The following SLC35F3 variants were observed in gnomAD, a reference collection of about 807,000 sequenced individuals.
The protein encoded by SLC35F3 is solute carrier family 35 member F3.
SLC35F3 carries 25 observed loss-of-function variants against 49.9 expected under a neutral mutation model. The observed-to-expected ratio is 0.50, with a 90% CI of 0.37 to 0.70. The LOEUF is 0.70. Among genes scored for constraint, SLC35F3 ranks in the 30% least tolerant of loss-of-function variants. The pLI, the probability that SLC35F3 is intolerant of heterozygous loss-of-function variation, is 0.00. For missense variants in SLC35F3, 525 were observed against 639.8 expected, an observed-to-expected ratio of 0.82 and a Z score of 1.94; for synonymous variants, 275 against 265.4, an observed-to-expected ratio of 1.04 and a Z score of -0.35.
chr1:233,989,308 T>G (rs762622303), intron 2 of SLC35F3, among the ~76,000 whole-genome samples: 5 of 152,242 alleles, frequency 3.3e-5, no homozygotes, highest in Non-Finnish European at 5.9e-5. Flanking sequence ...GACAGAGAAT[T>G]TCTATGAAAA....
chr1:234,215,667 C>T (rs1258447813), intron 2 of SLC35F3, among the ~76,000 whole-genome samples: 2 of 152,244 alleles, frequency 1.3e-5, no homozygotes, highest in Non-Finnish European at 2.9e-5. Context: ...CTGCTTCCCA[C>T]TCGTGACTTC....
At chr1:234,275,111 A>G (rs1019177584) in intron 3 of SLC35F3, among the ~76,000 whole-genome samples, 1 of 152,204 alleles carries the variant, frequency 6.6e-6, no homozygotes, top group African/African-American at 2.4e-5. Context: ...GAGCACCGAC[A>G]AGACCCAAGT....
intron 2 of SLC35F3, among the ~76,000 whole-genome samples, chr1:233,986,038 C>G (rs1289381344): frequency 5.3e-5 from 8 of 152,106 alleles, no homozygotes. Context: ...GGTCTTTGGA[C>G]CTTAGTACCC....
rs542121510 is a variant in SLC35F3, at chr1:234,002,612, T to G, written c.283+96854T>G. Among the ~76,000 whole-genome samples the G allele has an allele frequency of 9.2e-5, 14 of 152,308 alleles. No homozygotes were observed. In the East Asian group the frequency reaches 2.3e-3, roughly 25 times the overall value. On this transcript the variant is annotated intron_variant, in intron 2 of 7. Transcript: ENST00000366618. ...ACCCACTTGACTTATACAGTTGACG[T>G]TGGCCTTGATCACCTGGCTGAGGTT...
At position 234,003,890 on chromosome 1, in the gene SLC35F3, G is replaced by A. The variant is rs376841408; in HGVS notation, c.283+98132G>A. ...CCTAATTAGGAGAATGCACATTAAA[G>A]CACTAATGAAGTATAATTTTTCATT... On this transcript the variant is annotated intron_variant, in intron 2 of 7. Coordinates refer to ENST00000366618, the MANE Select transcript of SLC35F3 (RefSeq NM_173508.4). Among the ~76,000 whole-genome samples the A allele has an allele frequency of 3.6e-4, 55 of 152,266 alleles. 2 individuals carry two copies. The East Asian group carries it at 6.4e-3, about 18-fold the overall frequency.
rs1046221611 is a variant in SLC35F3, at chr1:234,231,851, C to T, written c.608+110C>T. 19 of 1,062,798 alleles carry T rather than the reference C, an allele frequency of 1.8e-5. No individual in the cohort carries two copies. In the African/African-American group the frequency reaches 3.0e-4, roughly 17 times the overall value. The allele number at this position is 1,062,798 out of a possible 1,614,324, so 65.8% of individuals were successfully genotyped here. A position where few individuals can be genotyped will look rare whatever the true frequency, so the allele number is the denominator to read the frequency against. ...GCGCTGGGATGAGCCGGTGGGAGCC[C>T]GTGGAGAGATGTTGCAGTGAATGCA... On this transcript the variant is annotated intron_variant, in intron 3 of 7. Transcript: ENST00000366618. The surrounding 1 kb of genome is among the most constrained non-coding windows in gnomAD (Gnocchi z 5.4).
chr1:234,195,584 T>C (rs1666796002), intron 2 of SLC35F3, among the ~76,000 whole-genome samples: 1 of 152,148 alleles, frequency 6.6e-6, no homozygotes, highest in South Asian at 2.1e-4. Flanking sequence ...AAGATTAGCT[T>C]ATCTTCCTTT....
intron 7 of SLC35F3, among the ~76,000 whole-genome samples, chr1:234,322,058 G>A (rs1657634594): frequency 6.6e-6 from 1 of 151,814 alleles, no homozygotes; most frequent in Non-Finnish European, 1.5e-5. Context: ...AATTAGCCAG[G>A]CGTGGTGGCA....
chr1:233,952,768 A>C (rs577552138), intron 2 of SLC35F3, among the ~76,000 whole-genome samples: 1 of 151,908 alleles, frequency 6.6e-6, no homozygotes, highest in Non-Finnish European at 1.5e-5. Flanking sequence ...CCTCTCCCTC[A>C]CATGTGCACT....
chr1:234,279,684 C>T (rs1210079827), intron 3 of SLC35F3, among the ~76,000 whole-genome samples: 2 of 152,164 alleles, frequency 1.3e-5, no homozygotes, highest in Non-Finnish European at 2.9e-5. Context: ...CTGGGAAATA[C>T]CAGGCTGCCT....
At chr1:234,043,397 A>G (rs1664250154) in intron 2 of SLC35F3, among the ~76,000 whole-genome samples, 1 of 152,218 alleles carries the variant, frequency 6.6e-6, no homozygotes, top group Non-Finnish European at 1.5e-5. Context: ...TTAAAATTAT[A>G]TTAAACTCAT....
At chr1:234,179,076 C>G (rs1326273337) in intron 2 of SLC35F3, among the ~76,000 whole-genome samples, 1 of 152,168 alleles carries the variant, frequency 6.6e-6, no homozygotes, top group African/African-American at 2.4e-5. Flanking sequence ...GGTGTTCCAT[C>G]TCCAGGCCCC....
rs139037676 is a variant in SLC35F3 at position 234,072,588 on chromosome 1, G to A, written c.284-158829G>A. Reference sequence around the variant, plus strand: ...CTTGCCATTTTCTATGCGGTGACCGGGGAAGTATCTCTGATGTGAAGATAA... The same window carrying A: ...CTTGCCATTTTCTATGCGGTGACCGAGGAAGTATCTCTGATGTGAAGATAA... On this transcript the variant is annotated intron_variant, in intron 2 of 7. Transcript: ENST00000366618. 5.9e-5 allele frequency among the ~76,000 whole-genome samples: 9 copies of A among 152,314 alleles called. No homozygotes were observed. The East Asian group carries it at 1.2e-3, about 20-fold the overall frequency.
chr1:234,058,206 A>G (rs1664483318), intron 2 of SLC35F3, among the ~76,000 whole-genome samples: 1 of 149,200 alleles, frequency 6.7e-6, no homozygotes, highest in African/African-American at 2.5e-5. Flanking sequence ...TTTTTCGAGG[A>G]TTTTTGCTTT....
chr1:234,107,320 C>T (rs999097507), intron 2 of SLC35F3, among the ~76,000 whole-genome samples: 6 of 152,170 alleles, frequency 3.9e-5, no homozygotes, highest in Admixed American at 1.3e-4. Context: ...AGTTAAGTGA[C>T]AAAAGGTGTG....
intron 2 of SLC35F3, among the ~76,000 whole-genome samples, chr1:234,184,676 C>T (rs1163052555): frequency 1.3e-5 from 2 of 152,166 alleles, no homozygotes; most frequent in Non-Finnish European, 2.9e-5. Flanking sequence ...CACACAGTTT[C>T]CAGGGCCTCT....
chr1:234,268,324 G>A (rs1430275399), intron 3 of SLC35F3, among the ~76,000 whole-genome samples: 6 of 140,028 alleles, frequency 4.3e-5, no homozygotes, highest in Non-Finnish European at 7.7e-5. Context: ...GCGTGGCGGC[G>A]CGCGCCTGCA....
chr1:234,129,601 G>A (rs1228397765), intron 2 of SLC35F3, among the ~76,000 whole-genome samples: 1 of 152,178 alleles, frequency 6.6e-6, no homozygotes, highest in Non-Finnish European at 1.5e-5. Context: ...TGAATTGAAT[G>A]TGGAAATACA....
intron 2 of SLC35F3, among the ~76,000 whole-genome samples, chr1:234,007,599 A>C (rs2102835772): frequency 6.6e-6 from 1 of 152,314 alleles, no homozygotes; most frequent in East Asian, 1.9e-4. Flanking sequence ...GTGACTATTC[A>C]CTTGTATATT....
Sources: gnomAD v4.1 joint callset for allele counts (sites outside exome capture counted in the v4.1 genomes callset) on GRCh38, gnomAD v4.1.1 for gene constraint, Gnocchi (gnomAD v3.1) non-coding constraint, MANE v1.5 for transcripts, NCBI Gene and HGNC (gene_info 2026-07-23, HGNC 2026-07-21) for gene names.